The following ERBB4 variants were observed in gnomAD, a reference collection of about 807,000 sequenced individuals.
The protein encoded by ERBB4 is erb-b2 receptor tyrosine kinase 4.
ERBB4 carries 42 observed loss-of-function variants against 158.0 expected under a neutral mutation model. The ratio of observed to expected loss-of-function variants is 0.27; its 90% CI spans 0.21 to 0.34. The LOEUF (loss-of-function observed/expected upper bound fraction) is 0.34, where lower values mean the gene tolerates loss of function less well. Among genes scored for constraint, ERBB4 ranks in the 10% least tolerant of loss-of-function variants. ERBB4 has a pLI of 1.00. For missense variants in ERBB4, 1,333 were observed against 1,624.1 expected, an observed-to-expected ratio of 0.82 and a Z score of 3.08; for synonymous variants, 583 against 558.7, an observed-to-expected ratio of 1.04 and a Z score of -0.61.
chr2:212,428,843 C>T (rs2091967546), intron 1 of ERBB4, among the ~76,000 whole-genome samples: 1 of 152,076 alleles, frequency 6.6e-6, no homozygotes, highest in East Asian at 1.9e-4. Flanking sequence ...GAAGGGACAT[C>T]TGTAGGCATA....
chr2:211,442,009 C>T (rs140518326), intron 20 of ERBB4, among the ~76,000 whole-genome samples: 39 of 152,160 alleles, frequency 2.6e-4, no homozygotes, highest in African/African-American at 8.7e-4. Context: ...CTCCTTTACC[C>T]TTCAACAGAC....
chr2:211,685,791 T>C (rs913046837), intron 12 of ERBB4, among the ~76,000 whole-genome samples: 2 of 152,190 alleles, frequency 1.3e-5, no homozygotes, highest in African/African-American at 4.8e-5. Context: ...CTGCTTTGAT[T>C]TCTTTCATCA....
chr2:211,635,373 C>T (rs1433776152), intron 16 of ERBB4, among the ~76,000 whole-genome samples: 2 of 152,092 alleles, frequency 1.3e-5, no homozygotes, highest in Non-Finnish European at 2.9e-5. Context: ...AATTCAGAGA[C>T]AATGAAATGG....
intron 1 of ERBB4, among the ~76,000 whole-genome samples, chr2:212,206,761 T>G (rs2082770906): frequency 6.6e-6 from 1 of 151,900 alleles, no homozygotes; most frequent in African/African-American, 2.4e-5. Context: ...TAATTTTTTT[T>G]GTATTTTTAG....
At chr2:211,412,280 A>G (rs554798192) in intron 25 of ERBB4, among the ~76,000 whole-genome samples, 2 of 152,324 alleles carry the variant, frequency 1.3e-5, no homozygotes, top group South Asian at 4.1e-4. Flanking sequence ...TAGAAATTAA[A>G]AAGTAACAAA....
intron 2 of ERBB4, among the ~76,000 whole-genome samples, chr2:212,109,904 A>C (rs1248501474): frequency 6.6e-6 from 1 of 152,178 alleles, no homozygotes; most frequent in Non-Finnish European, 1.5e-5. Context: ...AATTGAGCTT[A>C]ATTATCTTTA....
chr2:211,505,632 A>G (rs1293507165), intron 20 of ERBB4, among the ~76,000 whole-genome samples: 2 of 152,148 alleles, frequency 1.3e-5, no homozygotes, highest in African/African-American at 2.4e-5. Context: ...CAACATTAAC[A>G]AAGAATGTAA....
chr2:211,732,676 A>G (rs1340681412), intron 5 of ERBB4, among the ~76,000 whole-genome samples: 2 of 152,328 alleles, frequency 1.3e-5, no homozygotes, highest in East Asian at 3.9e-4. Context: ...AAGTAGGGCC[A>G]GGCCGGACAT....
intron 20 of ERBB4, among the ~76,000 whole-genome samples, chr2:211,545,526 G>A (rs1038995495): frequency 6.6e-6 from 1 of 151,900 alleles, no homozygotes; most frequent in Non-Finnish European, 1.5e-5. Flanking sequence ...AAATAGATGG[G>A]ATAAATCATT....
intron 15 of ERBB4, among the ~76,000 whole-genome samples, chr2:211,660,905 C>T (rs774518021): frequency 2.6e-5 from 4 of 152,128 alleles, no homozygotes; most frequent in Middle Eastern, 3.4e-3. Flanking sequence ...AAGAAAGAGG[C>T]GGTGATCATC....
chr2:211,457,630 G>A (rs1416463839), intron 20 of ERBB4, among the ~76,000 whole-genome samples: 4 of 152,184 alleles, frequency 2.6e-5, no homozygotes, highest in Non-Finnish European at 4.4e-5. Flanking sequence ...AGGGAGATGA[G>A]GGTCGTGGAG....
At chr2:212,296,478 G>C (rs2086415504) in intron 1 of ERBB4, among the ~76,000 whole-genome samples, 1 of 151,796 alleles carries the variant, frequency 6.6e-6, no homozygotes, top group Admixed American at 6.6e-5. Context: ...ACTATTTCAA[G>C]GTCATATATT....
intron 12 of ERBB4, among the ~76,000 whole-genome samples, chr2:211,695,610 C>G (rs929093223): frequency 6.6e-5 from 10 of 152,172 alleles, no homozygotes; most frequent in Admixed American, 6.5e-4. Context: ...GAGATCATTT[C>G]TAAATTCTTC....
At chr2:211,581,961 G>A (rs2068119546) in intron 19 of ERBB4, among the ~76,000 whole-genome samples, 1 of 151,984 alleles carries the variant, frequency 6.6e-6, no homozygotes, top group African/African-American at 2.4e-5. Flanking sequence ...AGTGAGCCAA[G>A]ATCATGCCAT....
chr2:212,470,052 C>A (rs902927105), intron 1 of ERBB4, among the ~76,000 whole-genome samples: 3 of 152,056 alleles, frequency 2.0e-5, no homozygotes, highest in Non-Finnish European at 2.9e-5. Flanking sequence ...ATACAGTCTT[C>A]AATATCACAT....
chr2:212,246,094 C>T (rs1004732595), intron 1 of ERBB4, among the ~76,000 whole-genome samples: 2 of 152,104 alleles, frequency 1.3e-5, no homozygotes, highest in African/African-American at 2.4e-5. Flanking sequence ...TCTCCAAGAG[C>T]TCTGTAAATG....
chr2:212,531,474 A>G (rs1692753326), intron 1 of ERBB4, among the ~76,000 whole-genome samples: 2 of 152,188 alleles, frequency 1.3e-5, no homozygotes, highest in Admixed American at 6.5e-5. Flanking sequence ...GCCATGATGA[A>G]AGAGGATGGC....
At chr2:211,881,090 A>T (rs561096439) in intron 3 of ERBB4, among the ~76,000 whole-genome samples, 81 of 152,340 alleles carry the variant, frequency 5.3e-4, no homozygotes, top group African/African-American at 1.9e-3. Flanking sequence ...AACAAATAGG[A>T]CCAAGAGCCT....
chr2:212,232,114 G>A (rs2083684850), intron 1 of ERBB4, among the ~76,000 whole-genome samples: 1 of 151,974 alleles, frequency 6.6e-6, no homozygotes, highest in African/African-American at 2.4e-5. Context: ...AAGTGGGTTT[G>A]ATAATAATAG....
Sources: allele counts gnomAD v4.1 joint callset (sites outside exome capture counted in the v4.1 genomes callset), GRCh38; gene constraint gnomAD v4.1.1; transcripts MANE v1.5; gene names NCBI Gene and HGNC (gene_info 2026-07-23, HGNC 2026-07-21).